FAT4: variants seen among roughly 807,000 people sequenced by gnomAD.
FAT4 encodes protocadherin Fat 4.
In FAT4, 84 loss-of-function variants were observed where a neutral mutation model predicts 303.9. The observed-to-expected ratio is 0.28, with a 90% CI of 0.23 to 0.33. FAT4 has a LOEUF of 0.33. Among genes scored for constraint, FAT4 ranks in the 10% least tolerant of loss-of-function variants. The pLI is 1.00. For synonymous variants in FAT4, 2,307 were observed against 2,298.8 expected, an observed-to-expected ratio of 1.00 and a Z score of -0.10; for missense variants, 6,005 against 6,146.8, an observed-to-expected ratio of 0.98 and a Z score of 0.77.
chr4:125,410,581 T>G (rs541287379), intron 5 of FAT4, among the ~76,000 whole-genome samples: 6 of 152,144 alleles, frequency 3.9e-5, no homozygotes, highest in Non-Finnish European at 8.8e-5. Context: ...AGAGAAGAAT[T>G]TTCCACCATG....
intron 14 of FAT4, among the ~76,000 whole-genome samples, chr4:125,478,413 T>C (rs1165856527): frequency 6.6e-6 from 1 of 152,144 alleles, no homozygotes; most frequent in Admixed American, 6.6e-5. Flanking sequence ...TTTTTTTTCA[T>C]TTAGAGATAT....
intron 2 of FAT4, among the ~76,000 whole-genome samples, chr4:125,396,308 TA>T (rs1044068846): frequency 4.9e-4 from 75 of 152,072 alleles, no homozygotes; most frequent in African/African-American, 1.7e-3. Flanking sequence ...ACATATAACC[TA>T]AAAAAATCAG....
chr4:125,322,310 C>T (rs536876444), intron 2 of FAT4, among the ~76,000 whole-genome samples: 24 of 152,216 alleles, frequency 1.6e-4, no homozygotes, highest in Middle Eastern at 3.4e-3. Flanking sequence ...GATAGATACA[C>T]TCTGTTCTGT....
chr4:125,319,669 T>C lies in FAT4; in HGVS notation c.3258T>C (p.Val1086=). The change falls in exon 2 of 18, where the codon GTT becomes GTC. Residue 1086 remains valine, a synonymous_variant. Coordinates refer to ENST00000394329, the MANE Select transcript of FAT4 (RefSeq NM_001291303.3). ...AACCCCTTAGTGCTACTGTGAATGT[T>C]ACTGTAATTTTAGAAGATGTAAATG... is the stretch of plus-strand genomic sequence containing the variant. ...AVEPLSATVN[V]TVILEDVNDN... is the part of the protein sequence containing the mutation. The C allele has an allele frequency of 6.2e-7, 1 of 1,614,092 alleles. No individual in the cohort carries two copies. Among genetic ancestry groups the C allele is most frequent in the Non-Finnish European group, 8.5e-7 (1 of 1,179,904 alleles).
intron 7 of FAT4, among the ~76,000 whole-genome samples, chr4:125,433,614 C>A (rs966708006): frequency 6.6e-6 from 1 of 152,152 alleles, no homozygotes; most frequent in Non-Finnish European, 1.5e-5. Context: ...AAAAATGAAT[C>A]ATTTCACGTT....
In FAT4 at chr4:125,317,726, T is replaced by A. The variant is rs1001187621; in HGVS notation, c.1315T>A (p.Ser439Thr). The stretch of plus-strand genomic sequence containing the variant: ...CATCCCTTCCTACAACCTCACAGTT[T>A]CCGTCTCTGATAACTACGGGGCGCC... ...ERIPSYNLTVSVSDNYGAPPG... is the reference protein window; with the variant it reads ...ERIPSYNLTVTVSDNYGAPPG... The change falls in exon 2 of 18, where the codon TCC becomes ACC. Residue 439 changes from serine (S) to threonine (T), a missense_variant. Transcript: ENST00000394329. The surrounding 1 kb of genome is among the most constrained non-coding windows in gnomAD (Gnocchi z 7.0). The A allele has an allele frequency of 6.2e-7, 1 of 1,613,984 alleles. No homozygotes were observed. The highest frequency in any genetic ancestry group is 1.3e-5 in the African/African-American group (1 of 74,942).
chr4:125,474,204 A>C (rs574066298), intron 12 of FAT4, among the ~76,000 whole-genome samples: 3 of 152,048 alleles, frequency 2.0e-5, no homozygotes, highest in Non-Finnish European at 4.4e-5. Context: ...TGACTAAAAT[A>C]TAATTATGTT....
intron 2 of FAT4, among the ~76,000 whole-genome samples, chr4:125,395,783 A>G (rs1023784022): frequency 6.6e-6 from 1 of 152,200 alleles, no homozygotes; most frequent in Non-Finnish European, 1.5e-5. Flanking sequence ...ACTGGTCTAT[A>G]TAGATTCATT....
At chr4:125,405,592 G>T (rs1734566843) in intron 3 of FAT4, among the ~76,000 whole-genome samples, 1 of 151,622 alleles carries the variant, frequency 6.6e-6, no homozygotes, top group Admixed American at 6.6e-5. Context: ...CTCACTGCAA[G>T]CTCTGCCTCC....
At chr4:125,365,943 C>G (rs575478376) in intron 2 of FAT4, among the ~76,000 whole-genome samples, 4 of 152,064 alleles carry the variant, frequency 2.6e-5, no homozygotes, top group African/African-American at 7.2e-5. Flanking sequence ...GGCAGGCTAA[C>G]GAGCATTACC....
chr4:125,448,684 T>TA lies in FAT4; in HGVS notation c.7675dup (p.Arg2559LysfsTer5). On this transcript the variant is annotated frameshift_variant, in exon 10 of 18. Transcript: ENST00000394329. LOFTEE classifies it high-confidence loss of function. ...AGACAGATTCTACAACAGTGACTGTTAGATTCGTGAATAAGGCCGATTTCC... is the reference window on the plus strand; with the variant it reads ...AGACAGATTCTACAACAGTGACTGTTAAGATTCGTGAATAAGGCCGATTTCC... The TA allele has an allele frequency of 6.2e-7, 1 of 1,614,002 alleles. No individual in the cohort carries two copies. Among genetic ancestry groups the TA allele is most frequent in the Non-Finnish European group, 8.5e-7 (1 of 1,179,914 alleles).
At position 125,457,865 on chromosome 4, in the gene FAT4, G is replaced by A. The variant is rs1288535533; in HGVS notation, c.11800+5055G>A. 4.6e-5 allele frequency among the ~76,000 whole-genome samples: 7 copies of A among 151,946 alleles called. No individual in the cohort carries two copies. The East Asian group carries it at 1.3e-3, about 29-fold the overall frequency. On this transcript the variant is annotated intron_variant, in intron 10 of 17. Coordinates refer to ENST00000394329, the MANE Select transcript of FAT4 (RefSeq NM_001291303.3). ...AAACTTTAGCCTAATAACGACACAT[G>A]TAGTATTTATTTTCATATACAAATG...
Position 125,451,581 on chromosome 4 carries a change from G to C in FAT4, c.10571G>C (p.Arg3524Pro). Reference sequence around the variant, plus strand: ...GAAGGAGAAGTCATGGAAAACAAACGGCCAGGCACTTTGGTGATGACCCTT... The same window carrying C: ...GAAGGAGAAGTCATGGAAAACAAACCGCCAGGCACTTTGGTGATGACCCTT... ...VSEGEVMENK[R>P]PGTLVMTLQS... The change falls in exon 10 of 18, where the codon CGG (arginine) becomes CCG (proline). Residue 3524 changes from arginine (R) to proline (P), a missense_variant. By Grantham distance (103) the Arg-to-Pro change is moderately radical. Coordinates refer to ENST00000394329, the MANE Select transcript of FAT4 (RefSeq NM_001291303.3). The C allele has an allele frequency of 6.2e-7, 1 of 1,614,070 alleles. No homozygotes were observed. The highest frequency in any genetic ancestry group is 8.5e-7 in the Non-Finnish European group (1 of 1,180,018).
In FAT4 at chr4:125,492,607, T is replaced by G. The variant is rs577965726; in HGVS notation, c.*839T>G. On this transcript the variant is annotated 3_prime_UTR_variant, in exon 18 of 18. Transcript: ENST00000394329. ...ACCTAAGGAAAGCTTATGATTGGAC[T>G]TATTTTCCAACCAGATAACATTTAC... 2 of 152,722 alleles carry G rather than the reference T, an allele frequency of 1.3e-5. No homozygotes were observed. The highest frequency in any genetic ancestry group is 2.9e-5 in the Non-Finnish European group (2 of 68,022). 9.5% of individuals were successfully genotyped at this position (152,722 alleles called of 1,614,324 possible). A position where few individuals can be genotyped will look rare whatever the true frequency, so the allele number is the denominator to read the frequency against.
chr4:125,411,787 AATT>A (rs1373178926), intron 5 of FAT4, among the ~76,000 whole-genome samples: 2 of 148,694 alleles, frequency 1.3e-5, no homozygotes, highest in African/African-American at 4.9e-5. Flanking sequence ...CTTAGAACAA[AATT>A]ATTCATGAGA....
intron 2 of FAT4, among the ~76,000 whole-genome samples, chr4:125,369,246 C>A (rs1212967026): frequency 6.6e-6 from 1 of 152,124 alleles, no homozygotes; most frequent in Admixed American, 6.6e-5. Context: ...TGTGTTAAAT[C>A]TTATCAACCT....
In FAT4 at chr4:125,451,984, C is replaced by T. The variant is rs567783118; in HGVS notation, c.10974C>T (p.Thr3658=). The T allele has an allele frequency of 6.8e-6, 11 of 1,614,068 alleles. No individual in the cohort carries two copies. In the East Asian group the frequency reaches 2.5e-4, roughly 36 times the overall value. The change falls in exon 10 of 18, where the codon ACC becomes ACT. Residue 3658 remains threonine, a synonymous_variant. Transcript: ENST00000394329. Reference sequence around the variant, plus strand: ...ACTGCTCCCTTACTTCAGGAGTTACCAGCCTCTTCAGTATTCCAGGGGGTA... The same window carrying T: ...ACTGCTCCCTTACTTCAGGAGTTACTAGCCTCTTCAGTATTCCAGGGGGTA... ...SFHCSLTSGV[T]SLFSIPGGTC...
chr4:125,457,690 TAA>T (rs1043128671), intron 10 of FAT4, among the ~76,000 whole-genome samples: 34 of 152,178 alleles, frequency 2.2e-4, no homozygotes, highest in African/African-American at 7.9e-4. Context: ...AAAAGATGGA[TAA>T]AGTTTATTAT....
At chr4:125,418,673 C>T (rs1277754925) in intron 7 of FAT4, among the ~76,000 whole-genome samples, 1 of 152,078 alleles carries the variant, frequency 6.6e-6, no homozygotes, top group Non-Finnish European at 1.5e-5. Context: ...GATATTCGGC[C>T]TTCATTATGC....
Sources: gnomAD v4.1 joint callset for allele counts (sites outside exome capture counted in the v4.1 genomes callset) on GRCh38, gnomAD v4.1.1 for gene constraint, Gnocchi (gnomAD v3.1) non-coding constraint, MANE v1.5 for transcripts, NCBI Gene and HGNC (gene_info 2026-07-23, HGNC 2026-07-21) for gene names.